Variants in PREX2 observed in about 807,000 individuals in gnomAD.
PREX2 encodes the protein phosphatidylinositol 3,4,5-trisphosphate-dependent Rac exchanger 2 protein.
Under a neutral mutation model 203.2 loss-of-function variants are expected in PREX2, and 107 were observed. The ratio of observed to expected loss-of-function variants is 0.53; its 90% CI spans 0.45 to 0.62. The LOEUF (loss-of-function observed/expected upper bound fraction) is 0.62, where lower values mean the gene tolerates loss of function less well. Ranked by LOEUF, PREX2 falls within the 20% of genes least tolerant of loss-of-function variation. The pLI is 0.00. For missense variants in PREX2, 1,777 were observed against 1,955.9 expected, an observed-to-expected ratio of 0.91 and a Z score of 1.72; for synonymous variants, 672 against 663.6, an observed-to-expected ratio of 1.01 and a Z score of -0.19.
chr8:67,960,854 T>C (rs1174383651), intron 1 of PREX2, among the ~76,000 whole-genome samples: 2 of 151,876 alleles, frequency 1.3e-5, no homozygotes, highest in Non-Finnish European at 2.9e-5. Context: ...TGAGGGTGGA[T>C]GTATGATAGG....
intron 11 of PREX2, among the ~76,000 whole-genome samples, chr8:68,066,847 G>A (rs147458733): frequency 1.8e-3 from 273 of 152,136 alleles, no homozygotes; most frequent in Admixed American, 7.2e-3. Context: ...TCTTCCAGTA[G>A]TTTTATAGTG....
intron 34 of PREX2, 25 bp from the exon 35 acceptor site, chr8:68,157,297 A>G: frequency 7.6e-7 from 1 of 1,320,932 alleles, no homozygotes; most frequent in South Asian, 1.3e-5. Context: ...AGTTGCTTGT[A>G]AAATATGTTT....
chr8:68,010,434 A>G (rs767500309), intron 1 of PREX2, among the ~76,000 whole-genome samples: 3 of 152,186 alleles, frequency 2.0e-5, no homozygotes, highest in Non-Finnish European at 2.9e-5. Context: ...TGTTCTCTCT[A>G]GTGTTAATAA....
In PREX2 at chr8:68,027,340, C is replaced by A. The variant is rs780442851; in HGVS notation, c.543+17C>A. On this transcript the variant is annotated intron_variant, in intron 5 of 39. Transcript: ENST00000288368. ...ATTTTGAAGGTATTTTATGTGCTAC[C>A]TCATTGTAGCCATTTTCTTGTATCT... is the stretch of plus-strand genomic sequence containing the variant. The A allele has an allele frequency of 7.2e-7, 1 of 1,395,360 alleles. No homozygotes were observed. Among genetic ancestry groups the A allele is most frequent in the East Asian group, 2.3e-5 (1 of 43,714 alleles). The allele number at this position is 1,395,360 out of a possible 1,614,324, so 86.4% of individuals were successfully genotyped here. A position where few individuals can be genotyped will look rare whatever the true frequency, so the allele number is the denominator to read the frequency against.
chr8:67,973,383 C>A (rs1805980987), intron 1 of PREX2, among the ~76,000 whole-genome samples: 1 of 152,142 alleles, frequency 6.6e-6, no homozygotes, highest in Non-Finnish European at 1.5e-5. Flanking sequence ...TGTAGCTACT[C>A]CTGAAGAATC....
Position 68,120,235 on chromosome 8 carries a change from G to A in PREX2, c.3544G>A (p.Val1182Met), listed in dbSNP as rs745508221. 5.6e-6 allele frequency: 9 copies of A among 1,613,880 alleles called. No homozygotes were observed. The highest frequency in any genetic ancestry group is 7.6e-6 in the Non-Finnish European group (9 of 1,179,798). Residue 1182 changes from valine to methionine, a missense_variant, in exon 29 of 40, where the codon GTG (valine) becomes ATG (methionine). By Grantham distance (21) the Val-to-Met change is conservative. Transcript: ENST00000288368. ...CAATCTCCTAAAAGGGCAGGCTGTT[G>A]TGAGGGCCTTTGACCAAACCAAGTA... ...ITNLLKGQAV[V>M]RAFDQTKYLT...
intron 39 of PREX2, among the ~76,000 whole-genome samples, chr8:68,224,842 G>A (rs1813027413): frequency 6.6e-6 from 1 of 152,018 alleles, no homozygotes; most frequent in Non-Finnish European, 1.5e-5. Context: ...GTTCTATCAT[G>A]AATTCAAAAA....
At chr8:68,103,475 C>A (rs371513674) in intron 23 of PREX2, 21 of 500,572 alleles carry the variant, frequency 4.2e-5, no homozygotes, top group Non-Finnish European at 1.2e-5. Context: ...ATTGTTTATT[C>A]GTGTCAGCGT....
rs1017674492 is a variant in PREX2, at chr8:68,061,461, C to T, written c.1339+682C>T. On this transcript the variant is annotated intron_variant, in intron 11 of 39. Coordinates refer to ENST00000288368, the MANE Select transcript of PREX2 (RefSeq NM_024870.4). Reference sequence around the variant, plus strand: ...GAGCCTGAAGTGGAGAGGTTCAAGACTGCGAGCACTAGGCCCCTCAGGGGG... The same window carrying T: ...GAGCCTGAAGTGGAGAGGTTCAAGATTGCGAGCACTAGGCCCCTCAGGGGG... Among the ~76,000 whole-genome samples the T allele has an allele frequency of 3.3e-5, 5 of 152,202 alleles. No homozygotes were observed. In the South Asian group the frequency reaches 1.0e-3, roughly 31 times the overall value.
At chr8:68,043,258 C>T (rs1317930716) in intron 7 of PREX2, among the ~76,000 whole-genome samples, 1 of 151,958 alleles carries the variant, frequency 6.6e-6, no homozygotes, top group African/African-American at 2.4e-5. Context: ...ATGGGGAGTG[C>T]AAGGTGATGA....
intron 1 of PREX2, among the ~76,000 whole-genome samples, chr8:68,009,289 A>G (rs149084240): frequency 6.6e-6 from 1 of 152,222 alleles, no homozygotes; most frequent in Admixed American, 6.5e-5. Flanking sequence ...TTCCTGTGCC[A>G]GAGAAAAATA....
intron 23 of PREX2, chr8:68,105,574 G>A: frequency 9.2e-7 from 1 of 1,088,894 alleles, no homozygotes. Flanking sequence ...TTTTCAGCTT[G>A]TACCAAAATT....
intron 35 of PREX2, among the ~76,000 whole-genome samples, chr8:68,181,274 T>C (rs1285711993): frequency 6.6e-6 from 1 of 152,176 alleles, no homozygotes; most frequent in Non-Finnish European, 1.5e-5. Flanking sequence ...AATTATTTGA[T>C]ATATTTCTCT....
At chr8:68,073,075 G>T (rs545026733) in intron 14 of PREX2, among the ~76,000 whole-genome samples, 7 of 151,902 alleles carry the variant, frequency 4.6e-5, no homozygotes, top group African/African-American at 1.7e-4. Context: ...GATGCTGACT[G>T]CTAGAATTGA....
chr8:68,106,293 A>AAGTTTTTTGCATCT (rs1483856160), intron 23 of PREX2: 2 of 507,794 alleles, frequency 3.9e-6, no homozygotes, highest in Non-Finnish European at 7.8e-6. Context: ...TTTTGACTGA[A>AAGTTTTTTGCATCT]AGTTTTTTGC....
chr8:67,994,075 ATAATAATTATAT>A (rs1347842692), intron 1 of PREX2, among the ~76,000 whole-genome samples: 1 of 152,224 alleles, frequency 6.6e-6, no homozygotes, highest in Non-Finnish European at 1.5e-5. Flanking sequence ...GGAATGATGC[ATAATAATTATAT>A]GTAACTTTAA....
At chr8:68,120,542 T>C (rs866231112) in intron 29 of PREX2, among the ~76,000 whole-genome samples, 36 of 152,248 alleles carry the variant, frequency 2.4e-4, no homozygotes, top group Middle Eastern at 6.8e-3. Context: ...AATAAGTTAA[T>C]TGAAGATACA....
intron 32 of PREX2, among the ~76,000 whole-genome samples, chr8:68,136,786 G>A (rs1337595156): frequency 6.6e-6 from 1 of 152,040 alleles, no homozygotes; most frequent in African/African-American, 2.4e-5. Flanking sequence ...GTGTCTCCAC[G>A]CTGCCCTCCT....
At chr8:67,990,424 A>G (rs920149805) in intron 1 of PREX2, among the ~76,000 whole-genome samples, 4 of 151,706 alleles carry the variant, frequency 2.6e-5, no homozygotes, top group African/African-American at 4.8e-5. Context: ...GTCAACTCCA[A>G]TGGATTCTGA....
Sources: gnomAD v4.1 joint callset for allele counts (sites outside exome capture counted in the v4.1 genomes callset) on GRCh38, gnomAD v4.1.1 for gene constraint, MANE v1.5 for transcripts, NCBI Gene and HGNC (gene_info 2026-07-23, HGNC 2026-07-21) for gene names.